The following CACNA1E variants were observed in gnomAD, a reference collection of about 807,000 sequenced individuals.
CACNA1E encodes calcium voltage-gated channel subunit alpha1 E.
A neutral mutation model predicts 259.2 loss-of-function variants in CACNA1E; 40 were observed. The ratio of observed to expected loss-of-function variants is 0.15; its 90% confidence interval spans 0.12 to 0.20. The LOEUF (loss-of-function observed/expected upper bound fraction) is 0.20, where lower values mean the gene tolerates loss of function less well. Ranked by LOEUF, CACNA1E falls within the 10% of genes least tolerant of loss-of-function variation. The pLI, the probability that CACNA1E is intolerant of heterozygous loss-of-function variation, is 1.00. For synonymous variants in CACNA1E, 1,104 were observed against 1,138.5 expected (o/e 0.97, Z 0.61); for missense variants, 1,874 against 3,040.1 (o/e 0.62, Z 9.02).
chr1:181,738,048 G>A (rs1478413693), intron 23 of CACNA1E, among the ~76,000 whole-genome samples: 1 of 152,238 alleles, frequency 6.6e-6, no homozygotes, highest in Non-Finnish European at 1.5e-5. Flanking sequence ...GAGCTGACAA[G>A]GATTTCAGGT....
intron 1 of CACNA1E, among the ~76,000 whole-genome samples, chr1:181,500,904 T>G (rs1665193354): frequency 6.6e-6 from 1 of 152,210 alleles, no homozygotes; most frequent in African/African-American, 2.4e-5. Context: ...AGTTCCATGA[T>G]GCTGGTGTTG....
chr1:181,546,371 TG>T (rs1028479665), intron 3 of CACNA1E, among the ~76,000 whole-genome samples: 1 of 152,154 alleles, frequency 6.6e-6, no homozygotes, highest in African/African-American at 2.4e-5. Context: ...TTAGGGCACT[TG>T]GAAGATGCTG....
intron 35 of CACNA1E, among the ~76,000 whole-genome samples, chr1:181,770,218 C>T (rs984185834): frequency 1.3e-5 from 2 of 152,172 alleles, no homozygotes; most frequent in Non-Finnish European, 1.5e-5. Flanking sequence ...TGAAAATTGT[C>T]TCAAATGACT....
chr1:181,760,592 C>T (rs183963435), intron 32 of CACNA1E, among the ~76,000 whole-genome samples: 1 of 152,290 alleles, frequency 6.6e-6, no homozygotes, highest in East Asian at 1.9e-4. Flanking sequence ...AAAGATGTAA[C>T]AACAATTGGT....
At chr1:181,414,834 G>A (rs1421377589) in intron 2 of CACNA1E, among the ~76,000 whole-genome samples, 2 of 152,234 alleles carry the variant, frequency 1.3e-5, no homozygotes, top group Non-Finnish European at 2.9e-5. Flanking sequence ...TGGCAGTCTG[G>A]TTGTGGAATC....
intron 3 of CACNA1E, among the ~76,000 whole-genome samples, chr1:181,529,060 A>T (rs530048685): frequency 6.6e-6 from 1 of 152,342 alleles, no homozygotes. Context: ...ACAGGCCCAG[A>T]GGCCCAGGAG....
chr1:181,351,106 G>A (rs1011028643), intron 1 of CACNA1E, among the ~76,000 whole-genome samples: 2 of 152,240 alleles, frequency 1.3e-5, no homozygotes, highest in African/African-American at 4.8e-5. Context: ...CAAAGAAGGA[G>A]CCAGCCATGT....
intron 1 of CACNA1E, among the ~76,000 whole-genome samples, chr1:181,326,828 G>A (rs1323896369): frequency 6.6e-6 from 1 of 152,088 alleles, no homozygotes; most frequent in Non-Finnish European, 1.5e-5. Flanking sequence ...TTCAGCAAAT[G>A]GTACCGCCCT....
At chr1:181,332,281 A>C (rs1011625396) in intron 1 of CACNA1E, among the ~76,000 whole-genome samples, 3 of 152,206 alleles carry the variant, frequency 2.0e-5, no homozygotes, top group African/African-American at 7.2e-5. Context: ...CTTAATACCT[A>C]GGTGATGGGA....
At chr1:181,370,480 C>T (rs4517314) in intron 1 of CACNA1E, among the ~76,000 whole-genome samples, 49,382 of 151,868 alleles carry the variant, frequency 0.33, 8,506 homozygotes, top group African/African-American at 0.45. Flanking sequence ...CCTCTTTATG[C>T]CCCTGTGTAC....
intron 22 of CACNA1E, among the ~76,000 whole-genome samples, chr1:181,736,990 G>T (rs996948915): frequency 6.6e-6 from 1 of 152,134 alleles, no homozygotes; most frequent in Non-Finnish European, 1.5e-5. Context: ...TTCCAGCAGG[G>T]CTCTGGGAAG....
intron 4 of CACNA1E, 89 bp downstream of exon 4, chr1:181,577,958 A>G (rs1651136799): frequency 7.5e-6 from 6 of 804,096 alleles, no homozygotes; most frequent in Non-Finnish European, 1.2e-5. Flanking sequence ...TGGGATAAAC[A>G]AACAATATTC....
chr1:181,317,789 G>C (rs1244625649), exon 1 of CACNA1E: 1 of 152,186 alleles, frequency 6.6e-6, no homozygotes, highest in Non-Finnish European at 1.5e-5. Context: ...TCCCTGGTCT[G>C]CCCTCTCGGG....
chr1:181,371,429 CTATT>C (rs572375371), intron 1 of CACNA1E, among the ~76,000 whole-genome samples: 673 of 152,140 alleles, frequency 4.4e-3, no homozygotes, highest in Middle Eastern at 0.01. Context: ...ACCCAGCTGA[CTATT>C]TATTTATTTA....
chr1:181,440,969 A>G, intron 2 of CACNA1E, among the ~76,000 whole-genome samples: 2 of 118,824 alleles, frequency 1.7e-5, no homozygotes, highest in Admixed American at 1.1e-4. Context: ...TGAGAGAGCG[A>G]GACGACCTTG....
At chr1:181,698,557 A>T (rs1395439831) in intron 7 of CACNA1E, among the ~76,000 whole-genome samples, 2 of 152,160 alleles carry the variant, frequency 1.3e-5, no homozygotes, top group Non-Finnish European at 2.9e-5. Context: ...TTTTATTTTT[A>T]CAATACCACA....
chr1:181,598,527 TG>T (rs1188181534), intron 6 of CACNA1E, among the ~76,000 whole-genome samples: 1 of 151,836 alleles, frequency 6.6e-6, no homozygotes, highest in Non-Finnish European at 1.5e-5. Context: ...ATAAAGGAGT[TG>T]GGGTGGAAAA....
chr1:181,368,765 G>T (rs1408747544), intron 1 of CACNA1E, among the ~76,000 whole-genome samples: 1 of 152,118 alleles, frequency 6.6e-6, no homozygotes, highest in African/African-American at 2.4e-5. Flanking sequence ...GATTTTGTTT[G>T]GTGTTTATTT....
intron 3 of CACNA1E, among the ~76,000 whole-genome samples, chr1:181,550,317 T>A (rs999482563): frequency 6.6e-6 from 1 of 151,778 alleles, no homozygotes; most frequent in East Asian, 1.9e-4. Flanking sequence ...GCTTTGGCGG[T>A]TGGGTGTGTC....
Sources: gnomAD v4.1 joint callset for allele counts (sites outside exome capture counted in the v4.1 genomes callset) on GRCh38, gnomAD v4.1.1 for gene constraint, MANE v1.5 for transcripts, NCBI Gene and HGNC (gene_info 2026-07-23, HGNC 2026-07-21) for gene names.